The following SLC12A1 variants were observed in gnomAD, a reference collection of about 807,000 sequenced individuals.
SLC12A1 encodes the protein Na-K-2Cl cotransporter.
A neutral mutation model predicts 130.4 loss-of-function variants in SLC12A1; 89 were observed. The ratio of observed to expected loss-of-function variants is 0.68; its 90% CI spans 0.58 to 0.81. The LOEUF (loss-of-function observed/expected upper bound fraction) is 0.81, where lower values mean the gene tolerates loss of function less well. SLC12A1 is among the 40% of genes least tolerant of loss of function. The probability of loss-of-function intolerance (pLI) is 0.00; values close to 1 mark genes in which losing one functional copy is unlikely to be tolerated. For missense variants in SLC12A1, 1,310 were observed against 1,336.4 expected, an observed-to-expected ratio of 0.98 and a Z score of 0.31; for synonymous variants, 499 against 460.0, an observed-to-expected ratio of 1.08 and a Z score of -1.09.
At chr15:48,257,482 T>C (rs746432509) in intron 16 of SLC12A1, among the ~76,000 whole-genome samples, 6 of 152,196 alleles carry the variant, frequency 3.9e-5, no homozygotes, top group Non-Finnish European at 8.8e-5. Flanking sequence ...CACCTCTGCC[T>C]GGATATCCAG....
chr15:48,278,154 C>T (rs1301722791), intron 20 of SLC12A1, among the ~76,000 whole-genome samples: 2 of 152,028 alleles, frequency 1.3e-5, no homozygotes, highest in Admixed American at 6.5e-5. Context: ...AATATTTGAG[C>T]ACTTACGTGA....
chr15:48,237,590 T>C (rs2041454076), intron 9 of SLC12A1, among the ~76,000 whole-genome samples: 1 of 152,182 alleles, frequency 6.6e-6, no homozygotes, highest in Non-Finnish European at 1.5e-5. Context: ...GGGGCATACA[T>C]GGTCATAATA....
chr15:48,227,028 G>A, intron 5 of SLC12A1: 1 of 1,210,608 alleles, frequency 8.3e-7, no homozygotes, highest in Non-Finnish European at 1.2e-6. Flanking sequence ...TGAAGTACTG[G>A]TGACTTCTCT....
chr15:48,288,279 T>G (rs1306727315), intron 22 of SLC12A1, 105 bp downstream of exon 22: 1 of 1,231,742 alleles, frequency 8.1e-7, no homozygotes. Context: ...GAATAACATT[T>G]CTGTGTTCTC....
chr15:48,266,706 G>A (rs527318426), intron 17 of SLC12A1, among the ~76,000 whole-genome samples: 1 of 152,248 alleles, frequency 6.6e-6, no homozygotes, highest in East Asian at 1.9e-4. Flanking sequence ...CTGGGAAAAT[G>A]GATTTGTACC....
intron 20 of SLC12A1, among the ~76,000 whole-genome samples, chr15:48,282,993 T>C (rs1222498547): frequency 6.6e-6 from 1 of 152,132 alleles, no homozygotes; most frequent in Non-Finnish European, 1.5e-5. Flanking sequence ...ATGATAATAG[T>C]AGTAACTATC....
At chr15:48,258,202 A>G (rs2041730402) in intron 16 of SLC12A1, among the ~76,000 whole-genome samples, 1 of 109,602 alleles carries the variant, frequency 9.1e-6, no homozygotes, top group Non-Finnish European at 1.6e-5. Flanking sequence ...TCTACTAAAA[A>G]TACAAAAAAT....
chr15:48,282,389 C>A (rs934134046), intron 20 of SLC12A1, among the ~76,000 whole-genome samples: 1 of 152,140 alleles, frequency 6.6e-6, no homozygotes, highest in Non-Finnish European at 1.5e-5. Context: ...CCGCTGACTC[C>A]ATTACAAAAG....
At chr15:48,238,966 T>C (rs143962538) in intron 9 of SLC12A1, among the ~76,000 whole-genome samples, 2 of 152,352 alleles carry the variant, frequency 1.3e-5, no homozygotes, top group Non-Finnish European at 2.9e-5. Flanking sequence ...GGGATGTGGT[T>C]GACATACCCA....
intron 9 of SLC12A1, among the ~76,000 whole-genome samples, chr15:48,239,714 A>G (rs1261654317): frequency 1.3e-5 from 2 of 151,742 alleles, no homozygotes; most frequent in South Asian, 4.2e-4. Flanking sequence ...GCGGTGGCAC[A>G]ATCTCGGCTC....
intron 16 of SLC12A1, among the ~76,000 whole-genome samples, chr15:48,258,314 TC>T (rs1391842636): frequency 1.8e-5 from 1 of 55,446 alleles, no homozygotes. Context: ...TGAGCCGAGA[TC>T]CCGCCACTGC....
At chr15:48,213,665 G>A (rs1469408031) in intron 2 of SLC12A1, among the ~76,000 whole-genome samples, 1 of 151,766 alleles carries the variant, frequency 6.6e-6, no homozygotes, top group Non-Finnish European at 1.5e-5. Context: ...CAGCATGCCC[G>A]GCTAATTTTG....
intron 9 of SLC12A1, among the ~76,000 whole-genome samples, chr15:48,240,280 T>C (rs1205970207): frequency 2.0e-5 from 3 of 151,938 alleles, no homozygotes; most frequent in Non-Finnish European, 4.4e-5. Flanking sequence ...ATCACAGTCA[T>C]GACTGCCTTC....
intron 16 of SLC12A1, among the ~76,000 whole-genome samples, chr15:48,256,328 C>G (rs1401312928): frequency 6.6e-6 from 1 of 152,198 alleles, no homozygotes; most frequent in Admixed American, 6.5e-5. Context: ...AATAAAACCT[C>G]AAGCGCAAGC....
At chr15:48,286,252 C>T (rs552502980) in intron 21 of SLC12A1, among the ~76,000 whole-genome samples, 16 of 152,272 alleles carry the variant, frequency 1.1e-4, no homozygotes, top group African/African-American at 3.9e-4. Flanking sequence ...GATGGGAAAT[C>T]CAGATATTGC....
rs77283816 is a variant in SLC12A1, at chr15:48,266,106, T to C, written c.2155-1455T>C. On this transcript the variant is annotated intron_variant, in intron 17 of 26. Coordinates refer to ENST00000380993, the MANE Select transcript of SLC12A1 (RefSeq NM_000338.3). The stretch of plus-strand genomic sequence containing the variant: ...AGCAGCATGGACATACAGGCTATCA[T>C]ATTGGGCAGTGATGACCTAGGCAAT... Among the ~76,000 whole-genome samples the C allele has an allele frequency of 7.8e-3, 1,183 of 152,290 alleles. 52 individuals carry two copies. In the East Asian group the frequency reaches 0.11, roughly 14 times the overall value.
intron 24 of SLC12A1, among the ~76,000 whole-genome samples, chr15:48,292,225 G>A (rs184980175): frequency 2.8e-4 from 43 of 152,168 alleles, no homozygotes; most frequent in African/African-American, 8.9e-4. Context: ...TTACTCGTGG[G>A]GCAGCCTGGA....
At chr15:48,282,016 C>G (rs1409037148) in intron 20 of SLC12A1, among the ~76,000 whole-genome samples, 1 of 152,144 alleles carries the variant, frequency 6.6e-6, no homozygotes, top group Admixed American at 6.5e-5. Flanking sequence ...AACATCACTT[C>G]TGTTTAGTGT....
intron 20 of SLC12A1, among the ~76,000 whole-genome samples, chr15:48,281,978 T>C (rs1259458998): frequency 1.3e-5 from 2 of 152,176 alleles, no homozygotes; most frequent in Non-Finnish European, 2.9e-5. Flanking sequence ...GTACACCAGA[T>C]AGATCATTCA....
Sources: allele counts gnomAD v4.1 joint callset (sites outside exome capture counted in the v4.1 genomes callset), GRCh38; gene constraint gnomAD v4.1.1; transcripts MANE v1.5; gene names NCBI Gene and HGNC (gene_info 2026-07-23, HGNC 2026-07-21).